The following PTPN11 variants were observed in gnomAD, a reference collection of about 807,000 sequenced individuals.
PTPN11 encodes the protein protein tyrosine phosphatase non-receptor type 11, also known as tyrosine-protein phosphatase non-receptor type 11.
A neutral mutation model predicts 78.8 loss-of-function variants in PTPN11; 6 were observed. The ratio of observed to expected loss-of-function variants is 0.08; its 90% CI spans 0.04 to 0.15. The LOEUF (loss-of-function observed/expected upper bound fraction) is 0.15, where lower values mean the gene tolerates loss of function less well. Among genes scored for constraint, PTPN11 ranks in the 10% least tolerant of loss-of-function variants. The pLI, the probability that PTPN11 is intolerant of heterozygous loss-of-function variation, is 1.00. For synonymous variants in PTPN11, 221 were observed against 263.5 expected, an observed-to-expected ratio of 0.84 and a Z score of 1.56; for missense variants, 386 against 744.8, an observed-to-expected ratio of 0.52 and a Z score of 5.61.
intron 9 of PTPN11, among the ~76,000 whole-genome samples, chr12:112,481,529 G>A (rs1222441518): frequency 5.3e-5 from 8 of 151,516 alleles, no homozygotes; most frequent in African/African-American, 1.9e-4. Flanking sequence ...ACCTCTCTCT[G>A]TCACCCAGGC....
intron 5 of PTPN11, among the ~76,000 whole-genome samples, chr12:112,455,019 C>T (rs532148335): frequency 2.6e-5 from 4 of 151,418 alleles, no homozygotes; most frequent in Non-Finnish European, 5.9e-5. Context: ...GGGGTTTCAC[C>T]ATGTTGGCCT....
At chr12:112,486,707 C>T in intron 11 of PTPN11, 78 bp downstream of exon 11, 1 of 1,576,856 alleles carries the variant, frequency 6.3e-7, no homozygotes, top group Non-Finnish European at 8.6e-7. Flanking sequence ...TACCTACCCA[C>T]TCCTAGCTCT....
intron 1 of PTPN11, among the ~76,000 whole-genome samples, chr12:112,442,272 A>T (rs1006192399): frequency 3.9e-5 from 6 of 152,150 alleles, no homozygotes; most frequent in African/African-American, 1.2e-4. Context: ...ATACAGGTTG[A>T]GTATCCCTTA....
intron 13 of PTPN11, among the ~76,000 whole-genome samples, chr12:112,489,706 A>T (rs2038722598): frequency 6.6e-6 from 1 of 152,208 alleles, no homozygotes; most frequent in African/African-American, 2.4e-5. Flanking sequence ...CACAAAGCTG[A>T]GTTAATTAGG....
intron 1 of PTPN11, among the ~76,000 whole-genome samples, chr12:112,434,606 CA>C (rs879943475): frequency 0.035 from 3,623 of 103,378 alleles, 48 homozygotes; most frequent in Non-Finnish European, 0.041. Context: ...GACTCCGTCT[CA>C]AAAAAAAAAA....
chr12:112,466,296 G>A (rs2038324648), intron 6 of PTPN11, among the ~76,000 whole-genome samples: 1 of 152,150 alleles, frequency 6.6e-6, no homozygotes, highest in Admixed American at 6.6e-5. Flanking sequence ...GAACATTCTA[G>A]GTAGAGGGAA....
At chr12:112,464,298 T>C (rs1034553627) in intron 6 of PTPN11, among the ~76,000 whole-genome samples, 25 of 152,232 alleles carry the variant, frequency 1.6e-4, no homozygotes, top group African/African-American at 4.6e-4. Context: ...TTTGGTTATT[T>C]TCTCCTTTGC....
chr12:112,502,049 C>T lies in PTPN11; in HGVS notation c.1600-95C>T, dbSNP rs3741983. 239,810 of 938,236 alleles carry T rather than the reference C, an allele frequency of 0.26. 47,731 individuals are homozygous for T. The highest frequency in any genetic ancestry group is 0.83 in the East Asian group (32,534 of 39,168). 58.1% of individuals were successfully genotyped at this position (938,236 alleles called of 1,614,324 possible). On this transcript the variant is annotated intron_variant, in intron 13 of 15. Coordinates refer to ENST00000351677, the MANE Select transcript of PTPN11 (RefSeq NM_002834.5). The stretch of plus-strand genomic sequence containing the variant: ...GTCTATCAATTTTTTTTTCTTTCTC[C>T]CTCTTTTTTCTTTTTTTGGGCAAAA...
rs1374728119 is a variant in PTPN11, at chr12:112,453,487, C to CTTTT, written c.525+101_525+104dup. ...ACCATTACATTCAAAGTCAGATTGT[C>CTTTT]TTTTATTTATTTATTTATTTATTTA... On this transcript the variant is annotated intron_variant, in intron 4 of 15. Transcript: ENST00000351677. The CTTTT allele has an allele frequency of 7.2e-5, 65 of 899,186 alleles. No individual in the cohort carries two copies. The African/African-American group carries it at 9.7e-4, about 13-fold the overall frequency. The allele number at this position is 899,186 out of a possible 1,614,324, so 55.7% of individuals were successfully genotyped here.
chr12:112,472,390 A>G (rs2038432122), intron 6 of PTPN11, among the ~76,000 whole-genome samples: 1 of 152,040 alleles, frequency 6.6e-6, no homozygotes, highest in African/African-American at 2.4e-5. Context: ...CCAAGGTGTT[A>G]TTTTCCTAGT....
chr12:112,443,421 C>A (rs1029676130), intron 1 of PTPN11, among the ~76,000 whole-genome samples: 1 of 149,732 alleles, frequency 6.7e-6, no homozygotes, highest in Non-Finnish European at 1.5e-5. Flanking sequence ...TATAATGATG[C>A]GATCTTGGCT....
intron 6 of PTPN11, among the ~76,000 whole-genome samples, chr12:112,471,383 T>A (rs1218215410): frequency 6.6e-6 from 1 of 151,880 alleles, no homozygotes; most frequent in South Asian, 2.1e-4. Flanking sequence ...TTGACTTTTT[T>A]TTTTTTTGAG....
At chr12:112,429,230 A>T (rs1356402276) in intron 1 of PTPN11, among the ~76,000 whole-genome samples, 3 of 152,172 alleles carry the variant, frequency 2.0e-5, no homozygotes, top group Non-Finnish European at 4.4e-5. Context: ...ATAATAGTGA[A>T]AACTAATGTT....
At position 112,507,722 on chromosome 12, in the gene PTPN11, T is replaced by G. The variant is rs1346607386; in HGVS notation, c.*1930T>G. On this transcript the variant is annotated 3_prime_UTR_variant, in exon 16 of 16. Coordinates refer to ENST00000351677, the MANE Select transcript of PTPN11 (RefSeq NM_002834.5). ...TTGGCTTCTGAAAGGAAGGCCTAGA[T>G]CCAGCCCTGGTGGTAGTTCCTTTCT... is the stretch of plus-strand genomic sequence containing the variant. The G allele has an allele frequency of 6.6e-6, 1 of 152,614 alleles. No individual in the cohort carries two copies. The highest frequency in any genetic ancestry group is 1.5e-5 in the Non-Finnish European group (1 of 68,052). The allele number at this position is 152,614 out of a possible 1,614,324, so 9.5% of individuals were successfully genotyped here. A position where few individuals can be genotyped will look rare whatever the true frequency, so the allele number is the denominator to read the frequency against.
At position 112,486,030 on chromosome 12, in the gene PTPN11, G is replaced by A. The variant is rs2038669468; in HGVS notation, c.1225-445G>A. On this transcript the variant is annotated intron_variant, in intron 10 of 15. Coordinates refer to ENST00000351677, the MANE Select transcript of PTPN11 (RefSeq NM_002834.5). Reference sequence around the variant, plus strand: ...TACTATAGTCTGTGTTTATATGGTGGGGAAGGTTGAGTATCAAAAAAATAA... The same window carrying A: ...TACTATAGTCTGTGTTTATATGGTGAGGAAGGTTGAGTATCAAAAAAATAA... Among the ~76,000 whole-genome samples the A allele has an allele frequency of 2.0e-5, 3 of 150,844 alleles. No homozygotes were observed. In the South Asian group the frequency reaches 6.3e-4, roughly 32 times the overall value.
At chr12:112,478,079 C>T (rs941841079) in intron 9 of PTPN11, 64 bp downstream of exon 9, 1 of 1,561,844 alleles carries the variant, frequency 6.4e-7, no homozygotes, top group African/African-American at 1.4e-5. Flanking sequence ...TCAGATTGGC[C>T]ATGTTTAGGA....
Position 112,437,029 on chromosome 12 carries a change from C to CT in PTPN11, c.15-9239dup, listed in dbSNP as rs1027024889. On this transcript the variant is annotated intron_variant, in intron 1 of 15. Transcript: ENST00000351677. ...TTAAAATTATCCCAGATTTATCAAT[C>CT]TTTTTTTTATTGCCCCTGGATTTTG... Among the ~76,000 whole-genome samples the CT allele has an allele frequency of 2.9e-4, 44 of 152,002 alleles. 1 individual carries two copies. Among genetic ancestry groups the CT allele is most frequent in the Non-Finnish European group, 2.5e-4 (17 of 67,980 alleles).
intron 1 of PTPN11, among the ~76,000 whole-genome samples, chr12:112,428,308 GT>G (rs2037654356): frequency 6.6e-6 from 1 of 151,274 alleles, no homozygotes; most frequent in Non-Finnish European, 1.5e-5. Context: ...TACATTGCAG[GT>G]TTCATTTGTT....
At chr12:112,432,043 G>A (rs2135836079) in intron 1 of PTPN11, among the ~76,000 whole-genome samples, 1 of 152,208 alleles carries the variant, frequency 6.6e-6, no homozygotes, top group East Asian at 1.9e-4. Context: ...AATAGGAAAT[G>A]AGCAACGACA....
Sources: gnomAD v4.1 joint callset for allele counts (sites outside exome capture counted in the v4.1 genomes callset) on GRCh38, gnomAD v4.1.1 for gene constraint, MANE v1.5 for transcripts, NCBI Gene and HGNC (gene_info 2026-07-23, HGNC 2026-07-21) for gene names.